The following MYH4 variants were observed in gnomAD, a reference collection of about 807,000 sequenced individuals.
MYH4 encodes myosin heavy chain 4.
MYH4 carries 200 observed loss-of-function variants against 229.9 expected under a neutral mutation model. The ratio of observed to expected loss-of-function variants is 0.87; its 90% confidence interval spans 0.78 to 0.98. MYH4 has a LOEUF of 0.98. MYH4 is among the 50% of genes least tolerant of loss of function. The pLI is 0.00. For synonymous variants in MYH4, 761 were observed against 834.6 expected, an observed-to-expected ratio of 0.91 and a Z score of 1.52; for missense variants, 2,148 against 2,332.6, an observed-to-expected ratio of 0.92 and a Z score of 1.63.
chr17:10,447,076 G>C lies in MYH4; in HGVS notation c.5106C>G (p.Gly1702=), dbSNP rs1356812038. The change falls in exon 35 of 40, where the codon GGC becomes GGG. Residue 1702 remains glycine (G), a synonymous_variant. Transcript: ENST00000255381. ...LRASLERTER[G]RKMAEQELLD... ...GAAGCTCTTGCTCTGCCATTTTCCT[G>C]CCTCTCTCAGTCCGTTCCAGGGATG... The C allele has an allele frequency of 8.1e-6, 13 of 1,613,972 alleles. No homozygotes were observed. The highest frequency in any genetic ancestry group is 1.1e-5 in the Non-Finnish European group (13 of 1,180,032).
Position 10,461,048 on chromosome 17 carries a change from C to G in MYH4, c.1015G>C (p.Val339Leu). The change falls in exon 12 of 40, where the codon GTG becomes CTG. Residue 339 changes from valine to leucine, a missense_variant. Coordinates refer to ENST00000255381, the MANE Select transcript of MYH4 (RefSeq NM_017533.2). ...TCAGCAGTGAAACCCAGGATGTCCA[C>G]AGCACTCTGTCAAAAGAGTTGAATT... is the stretch of plus-strand genomic sequence containing the variant. Reference protein sequence around the residue: ...QEELMATDSAVDILGFTADEK... With the variant: ...QEELMATDSALDILGFTADEK... 2 of 1,614,062 alleles carry G rather than the reference C, an allele frequency of 1.2e-6. No homozygotes were observed. Among genetic ancestry groups the G allele is most frequent in the Non-Finnish European group, 1.7e-6 (2 of 1,179,958 alleles).
rs2072528047 is a variant in MYH4 at position 10,447,808 on chromosome 17, C to G, written c.4965+10G>C. Reference sequence around the variant, plus strand: ...ACTGTACAACACTATGTGTATTTACCCCAGCATACCTTCAGTATTCCTTGT... The same window carrying G: ...ACTGTACAACACTATGTGTATTTACGCCAGCATACCTTCAGTATTCCTTGT... On this transcript the variant is annotated intron_variant, in intron 34 of 39. Transcript: ENST00000255381. 1 of 1,597,298 alleles carries G rather than the reference C, an allele frequency of 6.3e-7. No individual in the cohort carries two copies. The highest frequency in any genetic ancestry group is 8.5e-7 in the Non-Finnish European group (1 of 1,171,594).
intron 35 of MYH4, 22 bp from the exon 36 acceptor site, chr17:10,445,384 G>A (rs1432337798): frequency 3.1e-6 from 5 of 1,593,574 alleles, no homozygotes; most frequent in Non-Finnish European, 4.3e-6. Context: ...TAATGAAAGA[G>A]AAGAGAAGCA....
At position 10,455,717 on chromosome 17, in the gene MYH4, C is replaced by T. The variant is rs745388693; in HGVS notation, c.2071G>A (p.Glu691Lys). 2 of 1,614,168 alleles carry T rather than the reference C, an allele frequency of 1.2e-6. No individual in the cohort carries two copies. Among genetic ancestry groups the T allele is most frequent in the Non-Finnish European group, 1.7e-6 (2 of 1,180,022 alleles). ...ETKTPGAMEH[E>K]LVLHQLRCNG... ...CACCTCAGCTGATGCAGGACAAGCT[C>T]ATGCTCCATGGCACCTAAGAGAATG... The change falls in exon 19 of 40, where the codon GAG becomes AAG. Residue 691 changes from glutamate (E) to lysine (K), a missense_variant. Transcript: ENST00000255381.
At chr17:10,450,371 C>G in intron 30 of MYH4, 82 bp downstream of exon 30, 10 of 1,605,674 alleles carry the variant, frequency 6.2e-6, no homozygotes, top group Non-Finnish European at 8.5e-6. Flanking sequence ...GTCCCCAAGC[C>G]CGGAATATTC....
At chr17:10,466,470 G>A (rs1597425627) in intron 3 of MYH4, 54 bp from the exon 4 acceptor site, 4 of 1,612,146 alleles carry the variant, frequency 2.5e-6, no homozygotes, top group Non-Finnish European at 3.4e-6. Flanking sequence ...GAAAAAGCCA[G>A]GTCAAAAAAA....
Position 10,455,251 on chromosome 17 carries a change from A to G in MYH4, c.2219T>C (p.Ile740Thr), listed in dbSNP as rs551102643. The stretch of plus-strand genomic sequence containing the variant: ...TTTCTCAGAAGCCTTCTTGCTGTCA[A>G]TGAACTGACCCTCTGGGATAGCACT... ...NASAIPEGQF[I>T]DSKKASEKLL... The change falls in exon 20 of 40, where the codon ATT becomes ACT. Residue 740 changes from isoleucine to threonine, a missense_variant. By Grantham distance (89) the Ile-to-Thr change is moderately conservative. Transcript: ENST00000255381. 3.6e-5 allele frequency: 58 copies of G among 1,613,966 alleles called. 1 individual carries two copies. The South Asian group carries it at 4.6e-4, about 13-fold the overall frequency.
intron 2 of MYH4, among the ~76,000 whole-genome samples, chr17:10,467,279 G>A (rs1420110171): frequency 6.6e-6 from 1 of 152,108 alleles, no homozygotes; most frequent in Non-Finnish European, 1.5e-5. Context: ...ATTAAAATTG[G>A]ATGTCAGATT....
rs548098000 is a variant in MYH4 at position 10,463,611 on chromosome 17, G to C, written c.681C>G (p.Asn227Lys). The C allele has an allele frequency of 5.0e-6, 8 of 1,612,938 alleles. No individual in the cohort carries two copies. The Admixed American group carries it at 1.2e-4, about 24-fold the overall frequency. The change falls in exon 8 of 40, where the codon AAC becomes AAG. Residue 227 changes from asparagine (N) to lysine (K), a missense_variant. Transcript: ENST00000255381. ...GTLEDQIISA[N>K]PLLEAFGNAK... ...CATTGCCGAAGGCTTCCAGTAGGGG[G>C]TTAGCACTGATGATTTGATCTTCAA...
rs773974223 is a variant in MYH4 at position 10,448,484 on chromosome 17, C to G, written c.4568G>C (p.Gly1523Ala). Residue 1523 changes from glycine (G) to alanine (A), a missense_variant, in exon 33 of 40, where the codon GGT (glycine) becomes GCT (alanine). Coordinates refer to ENST00000255381, the MANE Select transcript of MYH4 (RefSeq NM_017533.2). ...ISDLTEQIAEGGKHIHELEKV... is the reference protein window; with the variant it reads ...ISDLTEQIAEAGKHIHELEKV... ...CTCCAGTTCATGGATATGCTTTCCA[C>G]CCTCTGCAATTTGCTCTGTCAGGTC... is the stretch of plus-strand genomic sequence containing the variant. 6 of 1,614,018 alleles carry G rather than the reference C, an allele frequency of 3.7e-6. No homozygotes were observed. The Admixed American group carries it at 8.3e-5, about 22-fold the overall frequency.
chr17:10,450,012 G>A (rs2142213720), intron 30 of MYH4, among the ~76,000 whole-genome samples: 1 of 152,234 alleles, frequency 6.6e-6, no homozygotes, highest in East Asian at 1.9e-4. Flanking sequence ...GATATAGGTT[G>A]TTAGTTGAAA....
rs1425723513 is a variant in MYH4 at position 10,443,841 on chromosome 17, A to G, written c.5668-314T>C. 2.0e-5 allele frequency among the ~76,000 whole-genome samples: 3 copies of G among 151,960 alleles called. No individual in the cohort carries two copies. The highest frequency in any genetic ancestry group is 2.9e-5 in the Non-Finnish European group (2 of 67,994). ...GGCAGGAGAATCTCTTGGACCCAGG[A>G]GGCAGAGATTGCAGTGAGCTGAGAT... is the stretch of plus-strand genomic sequence containing the variant. On this transcript the variant is annotated intron_variant, in intron 39 of 39. Coordinates refer to ENST00000255381, the MANE Select transcript of MYH4 (RefSeq NM_017533.2). The surrounding 1 kb of genome is among the most constrained non-coding windows in gnomAD (Gnocchi z 4.6).
chr17:10,454,556 G>A lies in MYH4; in HGVS notation c.2690C>T (p.Ala897Val). The A allele has an allele frequency of 6.2e-7, 1 of 1,613,554 alleles. No homozygotes were observed. Among genetic ancestry groups the A allele is most frequent in the Non-Finnish European group, 8.5e-7 (1 of 1,179,904 alleles). The part of the protein sequence containing the change: ...EKNDLQLQVQ[A>V]EADALADAEE... ...TGAACTGCAATGTATAATACTTACAGCTTGAACTTGGAGTTGTAAGTCATT... is the reference window on the plus strand; with the variant it reads ...TGAACTGCAATGTATAATACTTACAACTTGAACTTGGAGTTGTAAGTCATT... The change falls in exon 22 of 40, where the codon GCT becomes GTT. Residue 897 changes from alanine to valine, a missense_variant and splice_region_variant. By Grantham distance (64) the Ala-to-Val change is moderately conservative (BLOSUM62 0). Transcript: ENST00000255381.
Position 10,459,376 on chromosome 17 carries a change from G to A in MYH4, c.1462C>T (p.Leu488=), listed in dbSNP as rs1160329409. The A allele has an allele frequency of 1.2e-6, 2 of 1,614,184 alleles. No homozygotes were observed. The highest frequency in any genetic ancestry group is 2.2e-5 in the South Asian group (2 of 91,078). ...ATGTGGTGGTTGAAAAACTGTTGCA[G>A]TTTCTCGTTGGTGAAGTTGATGCAC... The part of the protein sequence containing the change: ...QLCINFTNEK[L]QQFFNHHMFV... Residue 488 remains leucine (L), a synonymous_variant, in exon 15 of 40, where the codon CTG becomes TTG. Coordinates refer to ENST00000255381, the MANE Select transcript of MYH4 (RefSeq NM_017533.2).
rs1376948671 is a variant in MYH4 at position 10,448,910 on chromosome 17, T to A, written c.4319A>T (p.Asn1440Ile). Residue 1440 changes from asparagine to isoleucine, a missense_variant, in exon 31 of 40, where the codon AAT becomes ATT. Physicochemically the swap from Asn to Ile is moderately radical, Grantham distance 149. Transcript: ENST00000255381. ...EDLMIDVERS[N>I]AACIALDKKQ... is the part of the protein sequence containing the mutation. The stretch of plus-strand genomic sequence containing the variant: ...CTTATCGAGAGCTATGCAGGCAGCA[T>A]TAGATCGTTCCACATCAATCATGAG... 8.1e-6 allele frequency: 13 copies of A among 1,614,186 alleles called. No individual in the cohort carries two copies. The highest frequency in any genetic ancestry group is 1.1e-5 in the Non-Finnish European group (13 of 1,180,014).
intron 35 of MYH4, 84 bp downstream of exon 35, chr17:10,446,929 T>G: frequency 7.0e-7 from 1 of 1,430,372 alleles, no homozygotes; most frequent in African/African-American, 1.4e-5. Flanking sequence ...GAAGATTACT[T>G]TTTACTTTAT....
chr17:10,456,946 G>A (rs1434073121), intron 16 of MYH4, among the ~76,000 whole-genome samples: 1 of 152,208 alleles, frequency 6.6e-6, no homozygotes, highest in East Asian at 1.9e-4. Flanking sequence ...AGGTAGGTGA[G>A]CCTCTGCTCA....
intron 37 of MYH4, 28 bp downstream of exon 37, chr17:10,444,948 G>A (rs532245549): frequency 6.2e-7 from 1 of 1,614,074 alleles, no homozygotes; most frequent in Non-Finnish European, 8.5e-7. Flanking sequence ...CTGGCCACAA[G>A]GAATTGAGTG....
At position 10,444,688 on chromosome 17, in the gene MYH4, GTCC is replaced by G; in HGVS notation, c.5580_5582del (p.Glu1860del). The stretch of plus-strand genomic sequence containing the variant: ...CCTGCAGCCTGAGAATATTCTTGCG[GTCC>G]TCCTCAGTCTGAAAGAGGTGCAAGT... On this transcript the variant is annotated inframe_deletion, in exon 39 of 40. Transcript: ENST00000255381. The G allele has an allele frequency of 6.2e-7, 1 of 1,613,786 alleles. No individual in the cohort carries two copies. The highest frequency in any genetic ancestry group is 8.5e-7 in the Non-Finnish European group (1 of 1,179,900).
Sources: allele counts gnomAD v4.1 joint callset (sites outside exome capture counted in the v4.1 genomes callset), GRCh38; gene constraint gnomAD v4.1.1; non-coding constraint Gnocchi (gnomAD v3.1); transcripts MANE v1.5; gene names NCBI Gene and HGNC (gene_info 2026-07-23, HGNC 2026-07-21).